Variants in PCED1B observed in about 807,000 individuals in gnomAD.
PCED1B encodes PC-esterase domain-containing protein 1B.
For synonymous variants in PCED1B, 251 were observed against 246.1 expected (o/e 1.02, Z -0.19); for missense variants, 573 against 573.9 (o/e 1.00, Z 0.02).
At chr12:47,189,954 C>A (rs1459026764) in intron 2 of PCED1B, among the ~76,000 whole-genome samples, 1 of 152,196 alleles carries the variant, frequency 6.6e-6, no homozygotes, top group Non-Finnish European at 1.5e-5. Flanking sequence ...CTCTTCCAGC[C>A]CTGCTCGGCT....
At chr12:47,210,208 A>T (rs549186556) in intron 2 of PCED1B, 6 of 152,370 alleles carry the variant, frequency 3.9e-5, no homozygotes, top group Admixed American at 2.6e-4. Flanking sequence ...TATTTTTGTC[A>T]TGTATTTTAA....
chr12:47,172,899 C>A (rs1422456619), intron 2 of PCED1B, among the ~76,000 whole-genome samples: 1 of 152,248 alleles, frequency 6.6e-6, no homozygotes, highest in Non-Finnish European at 1.5e-5. Context: ...AAGGAGAAAT[C>A]ATTTTGAAAC....
At chr12:47,135,063 T>TA (rs1468401138) in intron 2 of PCED1B, among the ~76,000 whole-genome samples, 12 of 152,222 alleles carry the variant, frequency 7.9e-5, no homozygotes, top group Non-Finnish European at 1.5e-4. Flanking sequence ...CCGATGGATT[T>TA]AACTTTATTT....
At position 47,217,475 on chromosome 12, in the gene PCED1B, A is replaced by AG. The variant is rs1191258609; in HGVS notation, c.-58+787dup. Among the ~76,000 whole-genome samples, 2 of 95,928 alleles carry AG rather than the reference A, an allele frequency of 2.1e-5. 1 individual carries two copies. Among genetic ancestry groups the AG allele is most frequent in the Non-Finnish European group, 4.6e-5 (2 of 43,668 alleles). 62.9% of individuals were successfully genotyped at this position (95,928 alleles called of 152,430 possible). ...AAGAAAGAAAAAGAAAGAAAGAGAA[A>AG]GAAAGAAAGAAAGAAAGAAAGAAAG... On this transcript the variant is annotated intron_variant, in intron 3 of 3. Transcript: ENST00000546455.
chr12:47,132,444 A>G (rs1167121062), intron 2 of PCED1B, among the ~76,000 whole-genome samples: 1 of 152,158 alleles, frequency 6.6e-6, no homozygotes, highest in Non-Finnish European at 1.5e-5. Flanking sequence ...GCCCAATACT[A>G]TGGGGGAATT....
chr12:47,207,597 C>T (rs1942950248), intron 2 of PCED1B, among the ~76,000 whole-genome samples: 1 of 152,202 alleles, frequency 6.6e-6, no homozygotes, highest in Non-Finnish European at 1.5e-5. Context: ...GACCACAGAC[C>T]TCCCTTCCTT....
chr12:47,161,359 C>T (rs915141023), intron 2 of PCED1B, among the ~76,000 whole-genome samples: 2 of 152,080 alleles, frequency 1.3e-5, no homozygotes, highest in Admixed American at 6.6e-5. Context: ...ATCTTAGTAC[C>T]GTTATTGAAA....
intron 2 of PCED1B, among the ~76,000 whole-genome samples, chr12:47,193,054 T>C: frequency 6.6e-6 from 1 of 152,204 alleles, no homozygotes; most frequent in East Asian, 1.9e-4. Context: ...CTTCTCCCAT[T>C]GTATTTTGCT....
intron 2 of PCED1B, among the ~76,000 whole-genome samples, chr12:47,195,215 G>C (rs1185336164): frequency 6.6e-6 from 1 of 151,760 alleles, no homozygotes; most frequent in African/African-American, 2.4e-5. Context: ...TGTAGTCCCA[G>C]CTACTCGGGA....
At chr12:47,092,364 T>C (rs11183725) in intron 1 of PCED1B, among the ~76,000 whole-genome samples, 57,098 of 151,856 alleles carry the variant, frequency 0.38, 11,107 homozygotes, top group Admixed American at 0.5. Context: ...TTTTTATATG[T>C]TGACTGTATA....
intron 2 of PCED1B, among the ~76,000 whole-genome samples, chr12:47,127,621 C>T (rs1939948016): frequency 6.6e-6 from 1 of 152,090 alleles, no homozygotes; most frequent in African/African-American, 2.4e-5. Context: ...ACCTAGACCT[C>T]CCAAAGTGCT....
chr12:47,149,458 G>A (rs747724832), intron 2 of PCED1B, among the ~76,000 whole-genome samples: 8 of 152,164 alleles, frequency 5.3e-5, no homozygotes, highest in Non-Finnish European at 1.2e-4. Flanking sequence ...AGTGATTTGA[G>A]ATAACTGTCT....
chr12:47,215,692 T>C (rs1177009641), intron 2 of PCED1B, among the ~76,000 whole-genome samples: 2 of 152,150 alleles, frequency 1.3e-5, no homozygotes, highest in Admixed American at 1.3e-4. Context: ...AGGCCTGTGG[T>C]TTCCTGTAGT....
intron 2 of PCED1B, among the ~76,000 whole-genome samples, chr12:47,108,834 G>A (rs1939070911): frequency 6.6e-6 from 1 of 152,168 alleles, no homozygotes; most frequent in South Asian, 2.1e-4. Flanking sequence ...GGAAGCCAAG[G>A]CAAGATTACT....
At chr12:47,225,559 CAT>C (rs1402379624) in intron 3 of PCED1B, among the ~76,000 whole-genome samples, 1 of 152,146 alleles carries the variant, frequency 6.6e-6, no homozygotes, top group Non-Finnish European at 1.5e-5. Context: ...CAAATGCTGA[CAT>C]AGATAAATTA....
At chr12:47,096,082 C>T (rs1299116239) in intron 1 of PCED1B, among the ~76,000 whole-genome samples, 1 of 152,086 alleles carries the variant, frequency 6.6e-6, no homozygotes, top group African/African-American at 2.4e-5. Context: ...AAGACCACAT[C>T]CTCATCTCGG....
chr12:47,158,625 T>C (rs1164608769), intron 2 of PCED1B, among the ~76,000 whole-genome samples: 3 of 152,222 alleles, frequency 2.0e-5, no homozygotes, highest in South Asian at 2.1e-4. Context: ...GTTGATACTG[T>C]CTTTTGATGC....
chr12:47,197,518 G>A (rs557155788), intron 2 of PCED1B, among the ~76,000 whole-genome samples: 1 of 151,870 alleles, frequency 6.6e-6, no homozygotes, highest in Non-Finnish European at 1.5e-5. Context: ...TGAGGCAGGA[G>A]AATCGCTTAA....
At position 47,227,764 on chromosome 12, in the gene PCED1B, A is replaced by C. The variant is rs569668636; in HGVS notation, c.-57-7243A>C. Among the ~76,000 whole-genome samples the C allele has an allele frequency of 3.6e-4, 54 of 152,066 alleles. No homozygotes were observed. The South Asian group carries it at 0.011, about 32-fold the overall frequency. On this transcript the variant is annotated intron_variant, in intron 3 of 3. Transcript: ENST00000546455. The stretch of plus-strand genomic sequence containing the variant: ...AGGTATCTGGAGACCAAGGCACGAC[A>C]ATTGCTTGAACCCTGGAGGCAAAAG...
Sources: allele counts gnomAD v4.1 joint callset (sites outside exome capture counted in the v4.1 genomes callset), GRCh38; gene constraint gnomAD v4.1.1; transcripts MANE v1.5; gene names NCBI Gene and HGNC (gene_info 2026-07-23, HGNC 2026-07-21).